The following LHFPL3 variants were observed in gnomAD, a reference collection of about 807,000 sequenced individuals.
LHFPL3 encodes the protein LHFPL tetraspan subfamily member 3.
Under a neutral mutation model 19.3 loss-of-function variants are expected in LHFPL3, and 5 were observed. That is an observed-to-expected ratio of 0.26 (90% CI 0.14 to 0.54). The LOEUF (loss-of-function observed/expected upper bound fraction) is 0.54, where lower values mean the gene tolerates loss of function less well. Ranked by LOEUF, LHFPL3 falls within the 20% of genes least tolerant of loss-of-function variation. The pLI is 0.94. For missense variants in LHFPL3, 249 were observed against 307.4 expected (o/e 0.81, Z 1.42); for synonymous variants, 133 against 126.2 (o/e 1.05, Z -0.36).
At chr7:104,732,631 C>G (rs960349302) in intron 1 of LHFPL3, among the ~76,000 whole-genome samples, 11 of 151,942 alleles carry the variant, frequency 7.2e-5, no homozygotes, top group African/African-American at 2.4e-4. Flanking sequence ...CTTTATTAGT[C>G]TTGTTAGTGG....
intron 2 of LHFPL3, among the ~76,000 whole-genome samples, chr7:104,771,157 T>C (rs1794543588): frequency 6.6e-6 from 1 of 152,162 alleles, no homozygotes; most frequent in Non-Finnish European, 1.5e-5. Context: ...CTTGCCAAAC[T>C]TACCACGCTC....
intron 1 of LHFPL3, among the ~76,000 whole-genome samples, chr7:104,356,740 TCA>T (rs1014305051): frequency 6.6e-6 from 1 of 152,134 alleles, no homozygotes; most frequent in African/African-American, 2.4e-5. Context: ...AAGAGATGTA[TCA>T]CTCCCACAGT....
intron 1 of LHFPL3, among the ~76,000 whole-genome samples, chr7:104,648,950 A>G (rs980333514): frequency 6.6e-6 from 1 of 152,224 alleles, no homozygotes; most frequent in African/African-American, 2.4e-5. Context: ...CACAAACCAT[A>G]GGAAGCTCTA....
chr7:104,689,351 C>T (rs1353316961), intron 1 of LHFPL3, among the ~76,000 whole-genome samples: 1 of 152,180 alleles, frequency 6.6e-6, no homozygotes. Context: ...AGAGCTCAGG[C>T]ATTGGTTAAT....
At chr7:104,391,148 G>A (rs1791059019) in intron 1 of LHFPL3, among the ~76,000 whole-genome samples, 1 of 152,162 alleles carries the variant, frequency 6.6e-6, no homozygotes, top group African/African-American at 2.4e-5. Flanking sequence ...TGTTCACTCT[G>A]ATGGTACTTT....
chr7:104,873,549 G>A (rs943363971), intron 2 of LHFPL3, among the ~76,000 whole-genome samples: 20 of 152,120 alleles, frequency 1.3e-4, no homozygotes, highest in Non-Finnish European at 2.9e-4. Context: ...GATGGCCCGA[G>A]CCCAGGAATT....
chr7:104,334,318 G>A (rs1162570834), intron 1 of LHFPL3, among the ~76,000 whole-genome samples: 2 of 152,158 alleles, frequency 1.3e-5, no homozygotes, highest in Non-Finnish European at 2.9e-5. Flanking sequence ...AGGCCAAGGC[G>A]GGCAGATCAC....
At chr7:104,663,984 A>C (rs1351049198) in intron 1 of LHFPL3, among the ~76,000 whole-genome samples, 6 of 152,198 alleles carry the variant, frequency 3.9e-5, no homozygotes, top group Admixed American at 6.5e-5. Flanking sequence ...ATCCACCTGG[A>C]AATTATCTGA....
chr7:104,786,488 T>C (rs1789918192), intron 2 of LHFPL3: 1 of 152,186 alleles, frequency 6.6e-6, no homozygotes, highest in Admixed American at 6.5e-5. Flanking sequence ...ATTGTTACCA[T>C]AGAATCAACT....
At chr7:104,773,943 G>A (rs887894207) in intron 2 of LHFPL3, among the ~76,000 whole-genome samples, 4 of 152,250 alleles carry the variant, frequency 2.6e-5, no homozygotes, top group African/African-American at 9.6e-5. Flanking sequence ...CACCCGGGTT[G>A]TGGTACTTTG....
intron 1 of LHFPL3, among the ~76,000 whole-genome samples, chr7:104,458,277 T>G (rs1792586651): frequency 6.6e-6 from 1 of 152,236 alleles, no homozygotes; most frequent in Non-Finnish European, 1.5e-5. Context: ...TAATCCATCT[T>G]AAATTAATTT....
intron 1 of LHFPL3, among the ~76,000 whole-genome samples, chr7:104,619,821 G>GAAGACAATTT (rs1562951743): frequency 6.6e-6 from 1 of 152,078 alleles, no homozygotes; most frequent in East Asian, 1.9e-4. Context: ...TGGTTTCGTG[G>GAAGACAATTT]AAGACAATTT....
At position 104,905,340 on chromosome 7, in the gene LHFPL3, T is replaced by C. The variant is rs555286301; in HGVS notation, c.683-847T>C. Among the ~76,000 whole-genome samples, 239 of 152,240 alleles carry C rather than the reference T, an allele frequency of 1.6e-3. 1 individual carries two copies. The highest frequency in any genetic ancestry group is 5.3e-3 in the African/African-American group (220 of 41,550). ...TAAATCAGAAACCTTCCTATATGTC[T>C]GACAATAGTGAAACAGTTGCAAATG... On this transcript the variant is annotated intron_variant, in intron 2 of 2. Coordinates refer to ENST00000424859, the MANE Select transcript of LHFPL3 (RefSeq NM_199000.3).
At chr7:104,619,943 C>G (rs1183541038) in intron 1 of LHFPL3, among the ~76,000 whole-genome samples, 1 of 152,210 alleles carries the variant, frequency 6.6e-6, no homozygotes, top group Non-Finnish European at 1.5e-5. Context: ...AAAGAGCTCA[C>G]AGTCTAGATC....
chr7:104,731,769 G>C (rs1181601538), intron 1 of LHFPL3, among the ~76,000 whole-genome samples: 1 of 151,760 alleles, frequency 6.6e-6, no homozygotes, highest in Non-Finnish European at 1.5e-5. Flanking sequence ...TGTTGAATAG[G>C]AGTGGTGAGA....
intron 2 of LHFPL3, among the ~76,000 whole-genome samples, chr7:104,853,491 A>C (rs73184004): frequency 0.097 from 14,777 of 151,958 alleles, 929 homozygotes; most frequent in Non-Finnish European, 0.15. Flanking sequence ...TCCAGGGACA[A>C]AAATGCAGAC....
At chr7:104,566,470 G>C (rs1327015947) in intron 1 of LHFPL3, among the ~76,000 whole-genome samples, 2 of 152,104 alleles carry the variant, frequency 1.3e-5, no homozygotes, top group East Asian at 3.9e-4. Flanking sequence ...AATGAGTTGT[G>C]AATGATAAAT....
chr7:104,845,236 G>T, intron 2 of LHFPL3: 1 of 657,318 alleles, frequency 1.5e-6, no homozygotes, highest in Non-Finnish European at 2.7e-6. Flanking sequence ...TTTTCCTCAA[G>T]TATGTGCAGA....
intron 2 of LHFPL3, among the ~76,000 whole-genome samples, chr7:104,884,219 G>GT (rs1359662481): frequency 6.6e-6 from 1 of 152,196 alleles, no homozygotes; most frequent in Non-Finnish European, 1.5e-5. Flanking sequence ...ACATCACGGA[G>GT]AAGGCATCTG....
Sources: gnomAD v4.1 joint callset for allele counts (sites outside exome capture counted in the v4.1 genomes callset) on GRCh38, gnomAD v4.1.1 for gene constraint, MANE v1.5 for transcripts, NCBI Gene and HGNC (gene_info 2026-07-23, HGNC 2026-07-21) for gene names.